LMX1B: variants seen among roughly 807,000 people sequenced by gnomAD.
LMX1B encodes the protein LIM homeobox transcription factor 1 beta, also known as LIM homeobox transcription factor 1-beta.
Under a neutral mutation model 51.4 loss-of-function variants are expected in LMX1B, and 12 were observed. That is an observed-to-expected ratio of 0.23 (90% CI 0.15 to 0.38). The LOEUF (loss-of-function observed/expected upper bound fraction) is 0.38. Ranked by LOEUF, LMX1B falls within the 10% of genes least tolerant of loss-of-function variation. The pLI is 1.00. For missense variants in LMX1B, 445 were observed against 571.1 expected (o/e 0.78, Z 2.25); for synonymous variants, 237 against 235.4 (o/e 1.01, Z -0.06).
In LMX1B at chr9:126,641,707, G is replaced by C. The variant is rs1460833936; in HGVS notation, c.326+26138G>C. Among the ~76,000 whole-genome samples, 2 of 152,072 alleles carry C rather than the reference G, an allele frequency of 1.3e-5. No homozygotes were observed. Among genetic ancestry groups the C allele is most frequent in the African/African-American group, 2.4e-5 (1 of 41,390 alleles). On this transcript the variant is annotated intron_variant, in intron 2 of 7. Coordinates refer to ENST00000373474, the MANE Select transcript of LMX1B (RefSeq NM_001174147.2). The surrounding 1 kb of genome is among the most constrained non-coding windows in gnomAD (Gnocchi z 4.1). The stretch of plus-strand genomic sequence containing the variant: ...GCACTGGGGAGGCTCTTTCTTCAAG[G>C]GGACTCTCTTCTCCCTCCTCCTGGG...
chr9:126,633,976 T>C (rs1315610087), intron 2 of LMX1B, among the ~76,000 whole-genome samples: 1 of 151,962 alleles, frequency 6.6e-6, no homozygotes, highest in Non-Finnish European at 1.5e-5. Context: ...GATGCCTCAT[T>C]CCCCCTGTGC....
At chr9:126,657,655 C>T (rs895643708) in intron 2 of LMX1B, among the ~76,000 whole-genome samples, 12 of 152,218 alleles carry the variant, frequency 7.9e-5, no homozygotes, top group Non-Finnish European at 1.8e-4. Context: ...CTGCAGCTCC[C>T]GGGCCAGAGT....
In LMX1B at chr9:126,651,129, A is replaced by ATC. The variant is rs1048855175; in HGVS notation, c.326+35575_326+35576dup. 5.5e-4 allele frequency among the ~76,000 whole-genome samples: 81 copies of ATC among 147,478 alleles called. 2 individuals are homozygous for ATC. Among genetic ancestry groups the ATC allele is most frequent in the Admixed American group, 3.1e-3 (47 of 14,932 alleles). On this transcript the variant is annotated intron_variant, in intron 2 of 7. Transcript: ENST00000373474. ...AGGGCCTGCCCCTCTCTCCCTCCCC[A>ATC]TCTCTCTCTCTCTCTCCCTCCCCAT... is the stretch of plus-strand genomic sequence containing the variant.
At chr9:126,656,861 C>G (rs1449046764) in intron 2 of LMX1B, among the ~76,000 whole-genome samples, 1 of 152,254 alleles carries the variant, frequency 6.6e-6, no homozygotes, top group Non-Finnish European at 1.5e-5. Context: ...CCATGGCCAT[C>G]AAAAATGTCT....
chr9:126,624,352 G>A (rs113848012), intron 2 of LMX1B, among the ~76,000 whole-genome samples: 20 of 152,364 alleles, frequency 1.3e-4, no homozygotes, highest in African/African-American at 3.8e-4. Context: ...AAGACTGGCG[G>A]GGAGAGCTGG....
At chr9:126,653,567 C>T (rs1016557979) in intron 2 of LMX1B, among the ~76,000 whole-genome samples, 10 of 152,300 alleles carry the variant, frequency 6.6e-5, no homozygotes, top group Admixed American at 1.3e-4. Flanking sequence ...TGCACAGCCG[C>T]GGGACAACAT....
chr9:126,685,507 G>A (rs543943990), intron 2 of LMX1B, among the ~76,000 whole-genome samples: 9 of 152,342 alleles, frequency 5.9e-5, no homozygotes, highest in African/African-American at 2.2e-4. Flanking sequence ...GTAGGTAGCA[G>A]TGTCCTGGAC....
chr9:126,690,217 AT>A (rs1184074238), intron 2 of LMX1B, among the ~76,000 whole-genome samples: 1 of 152,196 alleles, frequency 6.6e-6, no homozygotes, highest in African/African-American at 2.4e-5. Flanking sequence ...CTAGGGAGCC[AT>A]GGAAGAGTCT....
At chr9:126,636,860 T>C (rs1835721566) in intron 2 of LMX1B, among the ~76,000 whole-genome samples, 2 of 152,186 alleles carry the variant, frequency 1.3e-5, no homozygotes, top group South Asian at 4.1e-4. Flanking sequence ...TGGCTGTGTG[T>C]GCGTGCATGC....
rs368736494 is a variant in LMX1B at position 126,693,305 on chromosome 9, G to C, written c.723G>C (p.Ser241=). Residue 241 remains serine (S), a synonymous_variant, in exon 4 of 8, where the codon TCG becomes TCC. Coordinates refer to ENST00000373474, the MANE Select transcript of LMX1B (RefSeq NM_001174147.2). ...RRAFKASFEV[S]SKPCRKVRET... ...CCTTCAAGGCCTCCTTCGAGGTCTC[G>C]TCGAAGCCTTGCCGAAAGGTGAGGG... is the stretch of plus-strand genomic sequence containing the variant. 3.5e-5 allele frequency: 56 copies of C among 1,604,682 alleles called. No homozygotes were observed. Among genetic ancestry groups the C allele is most frequent in the Admixed American group, 5.1e-5 (3 of 58,952 alleles).
At chr9:126,691,273 A>G (rs968507662) in intron 3 of LMX1B, among the ~76,000 whole-genome samples, 1 of 152,020 alleles carries the variant, frequency 6.6e-6, no homozygotes, top group South Asian at 2.1e-4. Flanking sequence ...CAGGCACACT[A>G]CCCCTGAGAC....
At chr9:126,678,332 A>C (rs550440962) in intron 2 of LMX1B, among the ~76,000 whole-genome samples, 3,256 of 145,836 alleles carry the variant, frequency 0.022, 66 homozygotes, top group Non-Finnish European at 0.033. Flanking sequence ...CAAAAAACAA[A>C]AAAAAAAAAC....
At chr9:126,689,191 A>T (rs1480404837) in intron 2 of LMX1B, among the ~76,000 whole-genome samples, 2 of 152,174 alleles carry the variant, frequency 1.3e-5, no homozygotes, top group African/African-American at 4.8e-5. Flanking sequence ...GGTGGGTGGC[A>T]GGGGTTGCTG....
chr9:126,678,321 AC>A (rs1452770087), intron 2 of LMX1B, among the ~76,000 whole-genome samples: 2,243 of 129,820 alleles, frequency 0.017, 86 homozygotes, highest in African/African-American at 0.089. Flanking sequence ...AAAAAAAAAA[AC>A]AAAAAACAAA....
chr9:126,638,168 G>A (rs55738911), intron 2 of LMX1B, among the ~76,000 whole-genome samples: 29,188 of 152,042 alleles, frequency 0.19, 3,474 homozygotes, highest in Non-Finnish European at 0.26. Context: ...TCCTGGCCCA[G>A]GTGAGCCCCT....
chr9:126,638,872 G>A (rs942107183), intron 2 of LMX1B, among the ~76,000 whole-genome samples: 1 of 152,182 alleles, frequency 6.6e-6, no homozygotes, highest in East Asian at 1.9e-4. Context: ...TCTCTCCCCA[G>A]GACGGGCGGA....
At position 126,628,894 on chromosome 9, in the gene LMX1B, G is replaced by A. The variant is rs533932691; in HGVS notation, c.326+13325G>A. Among the ~76,000 whole-genome samples, 16 of 151,712 alleles carry A rather than the reference G, an allele frequency of 1.1e-4. No individual in the cohort carries two copies. The South Asian group carries it at 2.7e-3, about 26-fold the overall frequency. On this transcript the variant is annotated intron_variant, in intron 2 of 7. Coordinates refer to ENST00000373474, the MANE Select transcript of LMX1B (RefSeq NM_001174147.2). ...GGAATGACACATCTCTGCTTGCGAC[G>A]CAAATTGCTTCTGATTATTGAGCTT...
intron 2 of LMX1B, among the ~76,000 whole-genome samples, chr9:126,637,067 G>A (rs1835726884): frequency 6.6e-6 from 1 of 152,224 alleles, no homozygotes. Flanking sequence ...ACCAGCATAA[G>A]CTCTGCTTAG....
At position 126,626,568 on chromosome 9, in the gene LMX1B, C is replaced by G. The variant is rs1213900118; in HGVS notation, c.326+10999C>G. On this transcript the variant is annotated intron_variant, in intron 2 of 7. Coordinates refer to ENST00000373474, the MANE Select transcript of LMX1B (RefSeq NM_001174147.2). The surrounding 1 kb of genome is among the most constrained non-coding windows in gnomAD (Gnocchi z 4.3). Reference sequence around the variant, plus strand: ...TCTCCTGGAGCCCCCTCTGCAATCCCGGCTCAGTCGGCAACCGGCCCTTCC... The same window carrying G: ...TCTCCTGGAGCCCCCTCTGCAATCCGGGCTCAGTCGGCAACCGGCCCTTCC... Among the ~76,000 whole-genome samples, 1 of 152,192 alleles carries G rather than the reference C, an allele frequency of 6.6e-6. No homozygotes were observed. Among genetic ancestry groups the G allele is most frequent in the Non-Finnish European group, 1.5e-5 (1 of 68,040 alleles).
Sources: allele counts gnomAD v4.1 joint callset (sites outside exome capture counted in the v4.1 genomes callset), GRCh38; gene constraint gnomAD v4.1.1; non-coding constraint Gnocchi (gnomAD v3.1); transcripts MANE v1.5; gene names NCBI Gene and HGNC (gene_info 2026-07-23, HGNC 2026-07-21).